Variants in ZNF727 observed in about 807,000 individuals in gnomAD.
The protein encoded by ZNF727 is putative zinc finger protein 727.
ZNF727 carries 11 observed loss-of-function variants against 11.5 expected under a neutral mutation model. That is an observed-to-expected ratio of 0.95 (90% CI 0.60 to 1.58). The LOEUF is 1.58. Ranked by LOEUF, ZNF727 falls within the 40% of genes most tolerant of loss-of-function variation. ZNF727 has a pLI of 0.00. For missense variants in ZNF727, 533 were observed against 581.7 expected (o/e 0.92, Z 0.86); for synonymous variants, 171 against 196.1 (o/e 0.87, Z 1.07).
intron 1 of ZNF727, among the ~76,000 whole-genome samples, chr7:64,065,262 C>T (rs1789844551): frequency 6.6e-6 from 1 of 152,166 alleles, no homozygotes; most frequent in African/African-American, 2.4e-5. Flanking sequence ...ATCATAGAGA[C>T]TGCTCTGCTT....
intron 1 of ZNF727, among the ~76,000 whole-genome samples, chr7:64,062,671 C>T (rs1406735300): frequency 2.2e-5 from 1 of 44,652 alleles, no homozygotes; most frequent in Non-Finnish European, 6.2e-5. Flanking sequence ...CATTCTATAA[C>T]CTTCTTGTAC....
chr7:64,064,925 T>C (rs756510747), intron 1 of ZNF727, among the ~76,000 whole-genome samples: 1 of 152,180 alleles, frequency 6.6e-6, no homozygotes, highest in Non-Finnish European at 1.5e-5. Context: ...TTCCAGGGAA[T>C]GGAGGAGGGC....
chr7:64,050,928 T>A, intron 1 of ZNF727, among the ~76,000 whole-genome samples: 1 of 152,176 alleles, frequency 6.6e-6, no homozygotes, highest in East Asian at 1.9e-4. Flanking sequence ...ATTTCTTTAC[T>A]TTTTCTTTCT....
chr7:64,045,575 A>G lies in ZNF727; in HGVS notation c.-47A>G, dbSNP rs374415743. On this transcript the variant is annotated 5_prime_UTR_variant, in exon 1 of 4. Transcript: ENST00000456806. ...CCCTGTTATCCTGTGACCTGCAGGTACTGGGAGATCCATAGGGAAGAAGGC... is the reference window on the plus strand; with the variant it reads ...CCCTGTTATCCTGTGACCTGCAGGTGCTGGGAGATCCATAGGGAAGAAGGC... 1.2e-3 allele frequency: 1,939 copies of G among 1,552,384 alleles called. No homozygotes were observed. Among genetic ancestry groups the G allele is most frequent in the Non-Finnish European group, 1.6e-3 (1,824 of 1,147,412 alleles).
intron 1 of ZNF727, among the ~76,000 whole-genome samples, chr7:64,046,431 G>A (rs1789508067): frequency 6.6e-6 from 1 of 152,210 alleles, no homozygotes; most frequent in African/African-American, 2.4e-5. Flanking sequence ...CTGGTGGAAA[G>A]TGTTTGGATT....
chr7:64,070,850 C>T (rs1789949503), intron 3 of ZNF727, among the ~76,000 whole-genome samples: 1 of 152,032 alleles, frequency 6.6e-6, no homozygotes. Flanking sequence ...TTATATTCTC[C>T]ATAGAGGTGA....
intron 1 of ZNF727, among the ~76,000 whole-genome samples, chr7:64,063,859 C>A (rs1360797934): frequency 6.6e-6 from 1 of 152,074 alleles, no homozygotes; most frequent in Non-Finnish European, 1.5e-5. Flanking sequence ...CCTTCCTACT[C>A]TTTTCTCTCC....
intron 1 of ZNF727, among the ~76,000 whole-genome samples, chr7:64,047,483 T>A (rs868758445): frequency 1.9e-4 from 29 of 152,214 alleles, no homozygotes; most frequent in African/African-American, 6.3e-4. Flanking sequence ...TGTCTTTGGA[T>A]CCTTTGCAGG....
chr7:64,074,795 A>G (rs1259218462), intron 3 of ZNF727, among the ~76,000 whole-genome samples: 1 of 152,170 alleles, frequency 6.6e-6, no homozygotes, highest in Non-Finnish European at 1.5e-5. Context: ...AGTTGATTTG[A>G]TCTACTCAGC....
intron 1 of ZNF727, among the ~76,000 whole-genome samples, chr7:64,064,510 A>G (rs1002943614): frequency 2.3e-4 from 35 of 152,232 alleles, no homozygotes; most frequent in African/African-American, 8.4e-4. Flanking sequence ...CCTTTCCTCA[A>G]GTAGAAAGAA....
intron 1 of ZNF727, among the ~76,000 whole-genome samples, chr7:64,056,420 T>C (rs1371819660): frequency 2.0e-5 from 3 of 152,090 alleles, no homozygotes; most frequent in Admixed American, 2.0e-4. Context: ...AGACATCTAA[T>C]AGAGAAAAAA....
At chr7:64,053,653 C>T (rs983137232) in intron 1 of ZNF727, among the ~76,000 whole-genome samples, 3 of 152,122 alleles carry the variant, frequency 2.0e-5, no homozygotes, top group Admixed American at 6.6e-5. Context: ...AAGTTCCCCT[C>T]CACACATTTT....
At position 64,082,889 on chromosome 7, in the gene ZNF727, AAAAG is replaced by A. The variant is rs1785815063; in HGVS notation, c.*4347_*4350del. ...GAGCGAGACTCCGTCTCAAAAAAAA[AAAAG>A]AAAGAATGCAGTCTAGCCACATTTT... On this transcript the variant is annotated 3_prime_UTR_variant, in exon 4 of 4. Coordinates refer to ENST00000456806, the MANE Select transcript of ZNF727 (RefSeq NM_001159522.3). Among the ~76,000 whole-genome samples, 15 of 152,014 alleles carry A rather than the reference AAAAG, an allele frequency of 9.9e-5. No individual in the cohort carries two copies. The South Asian group carries it at 2.9e-3, about 30-fold the overall frequency.
chr7:64,045,634 C>T lies in ZNF727; in HGVS notation c.3+10C>T, dbSNP rs763237888. On this transcript the variant is annotated intron_variant, in intron 1 of 3. Coordinates refer to ENST00000456806, the MANE Select transcript of ZNF727 (RefSeq NM_001159522.3). The stretch of plus-strand genomic sequence containing the variant: ...CGGAGGCTGGGAAATGGTGAGTGCG[C>T]GGAGTGGGTGTCCCGAGAAGGGGGA... 17 of 1,559,322 alleles carry T rather than the reference C, an allele frequency of 1.1e-5. No individual in the cohort carries two copies. The Middle Eastern group carries it at 1.2e-3, about 107-fold the overall frequency.
intron 1 of ZNF727, among the ~76,000 whole-genome samples, chr7:64,064,160 T>C (rs1042159237): frequency 6.6e-6 from 1 of 152,050 alleles, no homozygotes; most frequent in Non-Finnish European, 1.5e-5. Flanking sequence ...CAAGACAAAG[T>C]CTCTTTTACT....
In ZNF727 at chr7:64,069,143, A is replaced by G. The variant is rs557070307; in HGVS notation, c.130+126A>G. ...CTGCTTCAAAAAGAAAAAATTGGGTATCTGTTTAGGTAGTAAATATAATCT... is the reference window on the plus strand; with the variant it reads ...CTGCTTCAAAAAGAAAAAATTGGGTGTCTGTTTAGGTAGTAAATATAATCT... On this transcript the variant is annotated intron_variant, in intron 2 of 3. Coordinates refer to ENST00000456806, the MANE Select transcript of ZNF727 (RefSeq NM_001159522.3). The G allele has an allele frequency of 1.3e-5, 14 of 1,053,408 alleles. No homozygotes were observed. The African/African-American group carries it at 2.1e-4, about 16-fold the overall frequency. The allele number at this position is 1,053,408 out of a possible 1,614,324, so 65.3% of individuals were successfully genotyped here.
intron 1 of ZNF727, among the ~76,000 whole-genome samples, chr7:64,059,018 C>T (rs1187587936): frequency 1.4e-4 from 21 of 150,894 alleles, no homozygotes; most frequent in Admixed American, 1.3e-3. Flanking sequence ...GATCTACGCT[C>T]ACTGCAACCT....
chr7:64,061,344 T>A (rs1789767236), intron 1 of ZNF727, among the ~76,000 whole-genome samples: 1 of 152,190 alleles, frequency 6.6e-6, no homozygotes, highest in Admixed American at 6.5e-5. Context: ...TTCATGTATC[T>A]GAGTTCTCCA....
Position 64,077,260 on chromosome 7 carries a change from CTT to C in ZNF727, c.227-5_227-4del, listed in dbSNP as rs34875861. The C allele has an allele frequency of 4.3e-3, 5,246 of 1,212,904 alleles. No homozygotes were observed. Among genetic ancestry groups the C allele is most frequent in the South Asian group, 0.014 (769 of 56,138 alleles). The allele number at this position is 1,212,904 out of a possible 1,614,324, so 75.1% of individuals were successfully genotyped here. A position where few individuals can be genotyped will look rare whatever the true frequency, so the allele number is the denominator to read the frequency against. The stretch of plus-strand genomic sequence containing the variant: ...CTGATGAGGGAGAAATTTTGTGGTT[CTT>C]TTTTTTTTTTCAGCTGGCTCTTTGC... On this transcript the variant is annotated splice_polypyrimidine_tract_variant and intron_variant, in intron 3 of 3. Transcript: ENST00000456806.
Sources: allele counts gnomAD v4.1 joint callset (sites outside exome capture counted in the v4.1 genomes callset), GRCh38; gene constraint gnomAD v4.1.1; transcripts MANE v1.5; gene names NCBI Gene and HGNC (gene_info 2026-07-23, HGNC 2026-07-21).